CLYBL: variants seen among roughly 807,000 people sequenced by gnomAD.
CLYBL encodes the protein citramalyl-CoA lyase.
In CLYBL, 31 loss-of-function variants were observed where a neutral mutation model predicts 38.9. The observed-to-expected ratio is 0.80, with a 90% CI of 0.60 to 1.08. CLYBL has a LOEUF of 1.08. CLYBL is among the 50% of genes least tolerant of loss of function. The probability of loss-of-function intolerance (pLI) is 0.00; values close to 1 mark genes in which losing one functional copy is unlikely to be tolerated. For synonymous variants in CLYBL, 171 were observed against 158.6 expected, an observed-to-expected ratio of 1.08 and a Z score of -0.59; for missense variants, 434 against 411.6, an observed-to-expected ratio of 1.05 and a Z score of -0.47.
chr13:99,883,298 A>T (rs1047784911), intron 7 of CLYBL, among the ~76,000 whole-genome samples: 3 of 152,118 alleles, frequency 2.0e-5, no homozygotes, highest in Non-Finnish European at 2.9e-5. Context: ...AGGCGGGTGG[A>T]TCATGAGGTC....
intron 2 of CLYBL, among the ~76,000 whole-genome samples, chr13:99,792,709 A>G (rs1456841664): frequency 6.6e-6 from 1 of 151,830 alleles, no homozygotes; most frequent in Non-Finnish European, 1.5e-5. Flanking sequence ...TAGAGAAGGG[A>G]GTGCAGCTAT....
chr13:99,626,819 T>C (rs941238651), intron 1 of CLYBL, among the ~76,000 whole-genome samples: 73 of 152,166 alleles, frequency 4.8e-4, no homozygotes, highest in African/African-American at 1.7e-3. Context: ...ATCTACCCGA[T>C]TGGTCATCAG....
chr13:99,712,048 C>T (rs188191171), intron 1 of CLYBL, among the ~76,000 whole-genome samples: 8 of 152,268 alleles, frequency 5.3e-5, no homozygotes, highest in Admixed American at 5.2e-4. Context: ...AGAGCTCAGT[C>T]CTCGTGACTA....
At chr13:99,791,547 C>G (rs186723704) in intron 2 of CLYBL, among the ~76,000 whole-genome samples, 2 of 152,082 alleles carry the variant, frequency 1.3e-5, no homozygotes, top group African/African-American at 4.8e-5. Context: ...AACATTTTGT[C>G]CTAACAATGT....
chr13:99,796,550 A>T (rs1316392550), intron 2 of CLYBL, among the ~76,000 whole-genome samples: 1 of 152,200 alleles, frequency 6.6e-6, no homozygotes, highest in Non-Finnish European at 1.5e-5. Context: ...TATTCTCCCC[A>T]TTGACAGATG....
chr13:99,669,829 T>A (rs762325529), intron 1 of CLYBL, among the ~76,000 whole-genome samples: 5 of 152,206 alleles, frequency 3.3e-5, no homozygotes, highest in Non-Finnish European at 7.3e-5. Flanking sequence ...CTTATAGGCA[T>A]ATTTTTTCAT....
chr13:99,689,776 A>ATT (rs11428657), intron 1 of CLYBL, among the ~76,000 whole-genome samples: 4 of 151,956 alleles, frequency 2.6e-5, no homozygotes, highest in South Asian at 2.1e-4. Context: ...TTTTTCAAGT[A>ATT]TTTTTTTTAA....
At chr13:99,721,674 T>C (rs1182887851) in intron 1 of CLYBL, among the ~76,000 whole-genome samples, 1 of 144,154 alleles carries the variant, frequency 6.9e-6, no homozygotes, top group Non-Finnish European at 1.5e-5. Context: ...CTTTCAATGG[T>C]TACTGTTCTT....
At chr13:99,900,298 C>T (rs767512561), downstream of CLYBL, among the ~76,000 whole-genome samples, 3 of 152,076 alleles carry the variant, frequency 2.0e-5, no homozygotes, top group Non-Finnish European at 4.4e-5. Flanking sequence ...CTGGGACATA[C>T]CAGAAAGGGC....
intron 2 of CLYBL, among the ~76,000 whole-genome samples, chr13:99,797,039 T>G (rs1445192069): frequency 6.6e-6 from 1 of 152,212 alleles, no homozygotes; most frequent in African/African-American, 2.4e-5. Context: ...ATGTGATCAA[T>G]ATATGGTAGC....
intron 1 of CLYBL, among the ~76,000 whole-genome samples, chr13:99,754,684 A>G (rs1210845260): frequency 6.6e-6 from 1 of 151,204 alleles, no homozygotes; most frequent in African/African-American, 2.4e-5. Flanking sequence ...TCCTGGGTTC[A>G]AGTGATTCTC....
chr13:99,707,215 C>T (rs529785627), intron 1 of CLYBL, among the ~76,000 whole-genome samples: 1 of 152,238 alleles, frequency 6.6e-6, no homozygotes, highest in African/African-American at 2.4e-5. Context: ...CTTCCAAACA[C>T]CAGTAGTTGA....
chr13:99,811,432 G>A (rs537642474), intron 2 of CLYBL, among the ~76,000 whole-genome samples: 7 of 152,318 alleles, frequency 4.6e-5, no homozygotes, highest in Admixed American at 1.3e-4. Context: ...AGGGAAGGAT[G>A]GGGGTGGGAG....
At chr13:99,876,069 C>CTTTTTTTTTTTTTTTTTTTTTTTTTTTT in intron 7 of CLYBL, among the ~76,000 whole-genome samples, 1 of 106,670 alleles carries the variant, frequency 9.4e-6, no homozygotes, top group Non-Finnish European at 1.8e-5. Context: ...TTCTATTTCA[C>CTTTTTTTTTTTTTTTTTTTTTTTTTTTT]TTTTTTTTTT....
Position 99,865,744 on chromosome 13 carries a change from C to T in CLYBL, c.635-496C>T, listed in dbSNP as rs1284890352. On this transcript the variant is annotated intron_variant, in intron 5 of 8. Transcript: ENST00000339105. This position sits in a 1 kb window ranked among gnomAD's most constrained non-coding sequence, Gnocchi z 4.7. ...TCTCAAAACAAGTGCCCTCCCGTCT[C>T]CCCAAGTTCTCCATCCAGACAGACC... Among the ~76,000 whole-genome samples the T allele has an allele frequency of 6.6e-6, 1 of 152,228 alleles. No individual in the cohort carries two copies. Among genetic ancestry groups the T allele is most frequent in the Non-Finnish European group, 1.5e-5 (1 of 68,044 alleles).
intron 1 of CLYBL, among the ~76,000 whole-genome samples, chr13:99,626,220 A>G (rs577113908): frequency 3.3e-5 from 5 of 152,344 alleles, no homozygotes; most frequent in African/African-American, 1.2e-4. Flanking sequence ...GGCAGAGTTT[A>G]AAGTATGGCA....
intron 2 of CLYBL, among the ~76,000 whole-genome samples, chr13:99,777,680 A>G (rs2138819977): frequency 6.6e-6 from 1 of 151,818 alleles, no homozygotes; most frequent in Non-Finnish European, 1.5e-5. Flanking sequence ...TTTAGTAGAG[A>G]CGGGGTTTCA....
intron 1 of CLYBL, among the ~76,000 whole-genome samples, chr13:99,654,040 C>A (rs1388645095): frequency 2.0e-5 from 3 of 152,184 alleles, no homozygotes; most frequent in Non-Finnish European, 4.4e-5. Context: ...GTTCTGCCAA[C>A]CTCAGCACAT....
chr13:99,687,282 T>TA (rs2047832384), intron 1 of CLYBL, among the ~76,000 whole-genome samples: 1 of 152,236 alleles, frequency 6.6e-6, no homozygotes, highest in Non-Finnish European at 1.5e-5. Context: ...AAACCTTTTA[T>TA]ATGCCTGCCT....
Sources: gnomAD v4.1 joint callset for allele counts (sites outside exome capture counted in the v4.1 genomes callset) on GRCh38, gnomAD v4.1.1 for gene constraint, Gnocchi (gnomAD v3.1) non-coding constraint, MANE v1.5 for transcripts, NCBI Gene and HGNC (gene_info 2026-07-23, HGNC 2026-07-21) for gene names.